Variants in CNKSR3 observed in about 807,000 individuals in gnomAD.
CNKSR3 encodes connector enhancer of kinase suppressor of ras 3.
Under a neutral mutation model 67.7 loss-of-function variants are expected in CNKSR3, and 36 were observed. That is an observed-to-expected ratio of 0.53 (90% CI 0.41 to 0.70). The LOEUF (loss-of-function observed/expected upper bound fraction) is 0.70, where lower values mean the gene tolerates loss of function less well. CNKSR3 is among the 30% of genes least tolerant of loss of function. The pLI is 0.00. For synonymous variants in CNKSR3, 281 were observed against 271.4 expected, an observed-to-expected ratio of 1.04 and a Z score of -0.35; for missense variants, 630 against 695.2, an observed-to-expected ratio of 0.91 and a Z score of 1.05.
At position 154,399,387 on chromosome 6, in the gene CNKSR3, G is replaced by C. The variant is rs1026327171; in HGVS notation, c.*6967C>G. On this transcript the variant is annotated 3_prime_UTR_variant, in exon 13 of 13. Transcript: ENST00000607772. ...TGTGTGCCAGACTATGCGAAGAAAG[G>C]GCCTTAAAAACATTATCTCATTTAA... 2.6e-5 allele frequency: 4 copies of C among 152,110 alleles called. No homozygotes were observed. Among genetic ancestry groups the C allele is most frequent in the Admixed American group, 6.5e-5 (1 of 15,268 alleles). 9.4% of individuals were successfully genotyped at this position (152,110 alleles called of 1,614,324 possible).
intron 1 of CNKSR3, among the ~76,000 whole-genome samples, chr6:154,489,445 C>T (rs1275629101): frequency 1.3e-5 from 2 of 152,134 alleles, no homozygotes; most frequent in Admixed American, 6.5e-5. Flanking sequence ...GCACAAGAAT[C>T]GCTTGAACCC....
chr6:154,411,050 A>G lies in CNKSR3; in HGVS notation c.1163T>C (p.Leu388Ser), dbSNP rs767918539. 2 of 1,614,144 alleles carry G rather than the reference A, an allele frequency of 1.2e-6. No homozygotes were observed. The highest frequency in any genetic ancestry group is 1.7e-5 in the Admixed American group (1 of 60,024). ...TCTTCGTCTCCGGCTTTCCTGGTCC[A>G]AGAAGGAATTCGGGGACTCTGAACC... ...PKGSESPNSF[L>S]DQESRRRRFT... The change falls in exon 11 of 13, where the codon TTG becomes TCG. Residue 388 changes from leucine (L) to serine (S), a missense_variant. By Grantham distance (145) the Leu-to-Ser change is moderately radical (BLOSUM62 -2). Coordinates refer to ENST00000607772, the MANE Select transcript of CNKSR3 (RefSeq NM_173515.4).
rs569303517 is a variant in CNKSR3 at position 154,506,554 on chromosome 6, C to T, written c.52+3509G>A. 7.1e-4 allele frequency among the ~76,000 whole-genome samples: 108 copies of T among 152,282 alleles called. 1 individual carries two copies. Among genetic ancestry groups the T allele is most frequent in the African/African-American group, 2.5e-3 (104 of 41,552 alleles). On this transcript the variant is annotated intron_variant, in intron 1 of 12. Transcript: ENST00000607772. ...CTCCCTTCTGCCTGGAATAGGAAGA[C>T]AATCATGCAGGAGCCGCCACCTTGC...
intron 8 of CNKSR3, 54 bp from the exon 9 acceptor site, chr6:154,422,706 C>G (rs1286051680): frequency 1.3e-6 from 2 of 1,590,392 alleles, no homozygotes; most frequent in African/African-American, 2.7e-5. Flanking sequence ...ACGAAAAAAA[C>G]CGAACCTATG....
intron 9 of CNKSR3, among the ~76,000 whole-genome samples, chr6:154,415,330 A>C (rs1190959446): frequency 6.7e-6 from 1 of 149,034 alleles, no homozygotes; most frequent in Non-Finnish European, 1.5e-5. Flanking sequence ...TCCTGGGTTC[A>C]AGTGATTCTC....
At chr6:154,469,442 T>C (rs984202575) in intron 1 of CNKSR3, among the ~76,000 whole-genome samples, 2 of 152,168 alleles carry the variant, frequency 1.3e-5, no homozygotes, top group African/African-American at 4.8e-5. Flanking sequence ...GTCCAGCCAG[T>C]TGGAGCTTGC....
intron 1 of CNKSR3, among the ~76,000 whole-genome samples, chr6:154,493,053 C>T (rs923071383): frequency 1.6e-4 from 25 of 152,260 alleles, no homozygotes; most frequent in African/African-American, 5.8e-4. Flanking sequence ...TACTTCTTAG[C>T]TCAAAGCCCC....
At chr6:154,450,368 C>G (rs1367859569) in intron 1 of CNKSR3, 110 bp from the exon 2 acceptor site, 3 of 1,133,948 alleles carry the variant, frequency 2.6e-6, no homozygotes, top group East Asian at 2.4e-5. Flanking sequence ...TATGATGCCA[C>G]TATCTGGTTA....
chr6:154,416,179 GGAAGA>G (rs1785021216), intron 9 of CNKSR3, among the ~76,000 whole-genome samples: 1 of 152,152 alleles, frequency 6.6e-6, no homozygotes, highest in African/African-American at 2.4e-5. Context: ...TGGTTGTAAT[GGAAGA>G]GATCTCTGAA....
At position 154,400,641 on chromosome 6, in the gene CNKSR3, T is replaced by C. The variant is rs1388409182; in HGVS notation, c.*5713A>G. On this transcript the variant is annotated 3_prime_UTR_variant, in exon 13 of 13. Transcript: ENST00000607772. ...CTTTTGAGTATAAAAAATTTGTCTT[T>C]TACATACACAAATGCACACATATAT... The C allele has an allele frequency of 1.3e-5, 2 of 152,190 alleles. No individual in the cohort carries two copies. Among genetic ancestry groups the C allele is most frequent in the Non-Finnish European group, 2.9e-5 (2 of 68,042 alleles). 9.4% of individuals were successfully genotyped at this position (152,190 alleles called of 1,614,324 possible). A position where few individuals can be genotyped will look rare whatever the true frequency, so the allele number is the denominator to read the frequency against.
chr6:154,502,607 C>T (rs2114661142), intron 1 of CNKSR3, among the ~76,000 whole-genome samples: 1 of 152,320 alleles, frequency 6.6e-6, no homozygotes, highest in East Asian at 1.9e-4. Flanking sequence ...GTCCCAGCTC[C>T]TCACCTCTGG....
chr6:154,433,849 AAGAAACCT>A (rs1785418552), intron 4 of CNKSR3: 1 of 186,030 alleles, frequency 5.4e-6, no homozygotes, highest in African/African-American at 2.3e-5. Flanking sequence ...AGTCCAAGTC[AAGAAACCT>A]GACGACGGCT....
chr6:154,465,087 G>C (rs1174436215), intron 1 of CNKSR3, among the ~76,000 whole-genome samples: 5 of 146,044 alleles, frequency 3.4e-5, no homozygotes, highest in Non-Finnish European at 5.9e-5. Flanking sequence ...GTTGCAGTGA[G>C]CTGCGATCGT....
intron 7 of CNKSR3, among the ~76,000 whole-genome samples, chr6:154,427,047 G>T (rs759150059): frequency 6.6e-6 from 1 of 152,166 alleles, no homozygotes; most frequent in Non-Finnish European, 1.5e-5. Flanking sequence ...AGGTGACATG[G>T]TATAAAAACT....
At chr6:154,438,322 T>C (rs917900445) in intron 4 of CNKSR3, among the ~76,000 whole-genome samples, 2 of 152,186 alleles carry the variant, frequency 1.3e-5, no homozygotes, top group Non-Finnish European at 2.9e-5. Flanking sequence ...TTATCCACTG[T>C]ATTTACATAT....
At chr6:154,480,839 C>A (rs538736628) in intron 1 of CNKSR3, among the ~76,000 whole-genome samples, 2 of 152,300 alleles carry the variant, frequency 1.3e-5, no homozygotes, top group Admixed American at 6.5e-5. Flanking sequence ...CAGGCATGAT[C>A]CCATATCTTT....
At chr6:154,486,161 A>G (rs962049930) in intron 1 of CNKSR3, among the ~76,000 whole-genome samples, 5 of 152,212 alleles carry the variant, frequency 3.3e-5, no homozygotes, top group African/African-American at 1.2e-4. Flanking sequence ...CTACACGTCA[A>G]TATCGCCAGC....
intron 9 of CNKSR3, among the ~76,000 whole-genome samples, chr6:154,415,989 A>G: frequency 6.6e-6 from 1 of 152,182 alleles, no homozygotes; most frequent in East Asian, 1.9e-4. Context: ...ATAAAAAGGT[A>G]CCCTTAGGCC....
In CNKSR3 at chr6:154,470,188, C is replaced by CTTTTT. The variant is rs869154714; in HGVS notation, c.53-19935_53-19931dup. On this transcript the variant is annotated intron_variant, in intron 1 of 12. Transcript: ENST00000607772. ...TGTAATAAAGAACCTACTTTCTTTC[C>CTTTTT]TTTTTTTTTTTTTTTTTTTTTTTTT... Among the ~76,000 whole-genome samples the CTTTTT allele has an allele frequency of 8.4e-4, 58 of 68,748 alleles. 6 individuals carry two copies. Among genetic ancestry groups the CTTTTT allele is most frequent in the South Asian group, 2.1e-3 (3 of 1,420 alleles). 45.1% of individuals were successfully genotyped at this position (68,748 alleles called of 152,430 possible).
Sources: gnomAD v4.1 joint callset for allele counts (sites outside exome capture counted in the v4.1 genomes callset) on GRCh38, gnomAD v4.1.1 for gene constraint, MANE v1.5 for transcripts, NCBI Gene and HGNC (gene_info 2026-07-23, HGNC 2026-07-21) for gene names.